The following NALCN variants were observed in gnomAD, a reference collection of about 807,000 sequenced individuals.
The protein encoded by NALCN is sodium leak channel NALCN.
Under a neutral mutation model 225.3 loss-of-function variants are expected in NALCN, and 111 were observed. The ratio of observed to expected loss-of-function variants is 0.49; its 90% CI spans 0.42 to 0.58. The LOEUF (loss-of-function observed/expected upper bound fraction) is 0.58, where lower values mean the gene tolerates loss of function less well. NALCN is among the 20% of genes least tolerant of loss of function. The probability of loss-of-function intolerance (pLI) is 0.00; values close to 1 mark genes in which losing one functional copy is unlikely to be tolerated. For synonymous variants in NALCN, 764 were observed against 769.0 expected (o/e 0.99, Z 0.11); for missense variants, 1,378 against 2,202.4 (o/e 0.63, Z 7.49).
intron 13 of NALCN, among the ~76,000 whole-genome samples, chr13:101,196,470 A>G (rs1387501129): frequency 6.6e-6 from 1 of 152,146 alleles, no homozygotes; most frequent in East Asian, 1.9e-4. Flanking sequence ...ACAGTTGCCA[A>G]AATTTCCACT....
chr13:101,163,036 G>C (rs2038261200), intron 15 of NALCN, among the ~76,000 whole-genome samples: 1 of 151,994 alleles, frequency 6.6e-6, no homozygotes, highest in African/African-American at 2.4e-5. Flanking sequence ...CAAGTAGCTA[G>C]GACTACAGGC....
At chr13:101,277,032 GTATA>G (rs978814628) in intron 10 of NALCN, among the ~76,000 whole-genome samples, 1 of 151,860 alleles carries the variant, frequency 6.6e-6, no homozygotes, top group Non-Finnish European at 1.5e-5. Flanking sequence ...AAAAACGTGT[GTATA>G]TATATGTTTG....
rs1006261774 is a variant in NALCN at position 101,081,531 on chromosome 13, A to G, written c.3881T>C (p.Leu1294Pro). 1 of 1,613,998 alleles carries G rather than the reference A, an allele frequency of 6.2e-7. No homozygotes were observed. Among genetic ancestry groups the G allele is most frequent in the Non-Finnish European group, 8.5e-7 (1 of 1,180,010 alleles). Residue 1294 changes from leucine to proline, a missense_variant, in exon 34 of 44, where the codon CTC becomes CCC. Coordinates refer to ENST00000251127, the MANE Select transcript of NALCN (RefSeq NM_052867.4). ...GVVWVVLHFA[L>P]LNAYTYMMGA... Reference sequence around the variant, plus strand: ...CAACTTGACTTCTATGCTTACCAGGAGGGCAAAGTGAAGCACCACCCATAC... The same window carrying G: ...CAACTTGACTTCTATGCTTACCAGGGGGGCAAAGTGAAGCACCACCCATAC...
chr13:101,209,694 C>T (rs1380906997), intron 13 of NALCN, among the ~76,000 whole-genome samples: 1 of 152,158 alleles, frequency 6.6e-6, no homozygotes. Flanking sequence ...AGTTCTCCCT[C>T]GCTCTTCAAG....
intron 13 of NALCN, among the ~76,000 whole-genome samples, chr13:101,201,684 T>C (rs1167504439): frequency 2.6e-5 from 4 of 152,192 alleles, no homozygotes; most frequent in Admixed American, 2.0e-4. Context: ...CTAAAATACG[T>C]GTAAAATGTA....
At position 101,129,417 on chromosome 13, in the gene NALCN, T is replaced by C. The variant is rs141715494; in HGVS notation, c.2119-4736A>G. The stretch of plus-strand genomic sequence containing the variant: ...AGTCAAATTATCTCTACTGTGCTCA[T>C]TGGGAGTTTTTCAAGTTGGTCAGTC... On this transcript the variant is annotated intron_variant, in intron 17 of 43. Transcript: ENST00000251127. 6.1e-4 allele frequency among the ~76,000 whole-genome samples: 93 copies of C among 152,292 alleles called. No homozygotes were observed. In the Middle Eastern group the frequency reaches 0.014, roughly 22 times the overall value.
intron 7 of NALCN, among the ~76,000 whole-genome samples, chr13:101,324,774 T>C (rs2044882315): frequency 6.6e-6 from 1 of 152,150 alleles, no homozygotes; most frequent in Non-Finnish European, 1.5e-5. Flanking sequence ...TATTTCTTTC[T>C]CCTGCCTGAC....
At chr13:101,282,996 G>C (rs1594598506) in intron 10 of NALCN, among the ~76,000 whole-genome samples, 1 of 152,218 alleles carries the variant, frequency 6.6e-6, no homozygotes, top group Admixed American at 6.5e-5. Context: ...CGGCAGATGT[G>C]AACACTTCTC....
intron 7 of NALCN, among the ~76,000 whole-genome samples, chr13:101,304,437 C>T (rs1431656131): frequency 1.3e-5 from 2 of 151,776 alleles, no homozygotes. Flanking sequence ...TTCCCTCCCA[C>T]CCCCTGACAG....
intron 13 of NALCN, among the ~76,000 whole-genome samples, chr13:101,227,580 C>T (rs986445323): frequency 3.9e-5 from 6 of 152,124 alleles, no homozygotes; most frequent in African/African-American, 1.4e-4. Context: ...AGTAAAAATG[C>T]TATGTAAATT....
rs778015916 is a variant in NALCN at position 101,089,994 on chromosome 13, T to C, written c.3270-28A>G. ...GCGATTCCAATACAGGAATGTTCTG[T>C]GAAATTCCAATAAGCAGCACCCGAA... On this transcript the variant is annotated intron_variant, in intron 28 of 43. Coordinates refer to ENST00000251127, the MANE Select transcript of NALCN (RefSeq NM_052867.4). This position sits in a 1 kb window ranked among gnomAD's most constrained non-coding sequence, Gnocchi z 4.7. The C allele has an allele frequency of 1.2e-6, 2 of 1,613,104 alleles. No homozygotes were observed. Among genetic ancestry groups the C allele is most frequent in the East Asian group, 4.5e-5 (2 of 44,856 alleles).
intron 3 of NALCN, among the ~76,000 whole-genome samples, chr13:101,379,046 G>A (rs1251904997): frequency 2.0e-5 from 3 of 152,012 alleles, no homozygotes; most frequent in African/African-American, 7.2e-5. Flanking sequence ...AAACTGCTAG[G>A]TTTAGCACCG....
At chr13:101,152,968 A>G (rs1368293631) in intron 15 of NALCN, among the ~76,000 whole-genome samples, 2 of 152,078 alleles carry the variant, frequency 1.3e-5, no homozygotes, top group African/African-American at 4.8e-5. Context: ...AGTGCTAGGG[A>G]AAAATGTCAC....
chr13:101,058,413 G>C (rs619127), intron 42 of NALCN: 20,158 of 198,064 alleles, frequency 0.1, 1,934 homozygotes, highest in African/African-American at 0.27. Context: ...CAGTGGGGAC[G>C]GGCTGGGCGG....
chr13:101,065,079 G>A (rs549808365), intron 40 of NALCN, among the ~76,000 whole-genome samples: 22 of 152,256 alleles, frequency 1.4e-4, no homozygotes, highest in Non-Finnish European at 2.5e-4. Context: ...GGCAGTTCCC[G>A]CATCACAGGG....
In NALCN at chr13:101,283,967, T is replaced by C; in HGVS notation, c.1100A>G (p.Asn367Ser). ...GGWQLVAVDVNKPQGRAPACL... is the reference protein window; with the variant it reads ...GGWQLVAVDVSKPQGRAPACL... ...GGCTGGGGCGCGTCCCTGGGGCTTG[T>C]TGACATCCACAGCTACCAGCTGCCA... Residue 367 changes from asparagine to serine, a missense_variant, in exon 10 of 44, where the codon AAC (asparagine) becomes AGC (serine). Physicochemically the swap from Asn to Ser is conservative, Grantham distance 46. Transcript: ENST00000251127. 1 of 1,613,774 alleles carries C rather than the reference T, an allele frequency of 6.2e-7. No individual in the cohort carries two copies. Among genetic ancestry groups the C allele is most frequent in the Non-Finnish European group, 8.5e-7 (1 of 1,179,906 alleles).
In NALCN at chr13:101,378,597, A is replaced by G. The variant is rs1310759174; in HGVS notation, c.348T>C (p.Phe116=). The stretch of plus-strand genomic sequence containing the variant: ...GTAGCACCAAAGAAACCCAAAGGCA[A>G]AAGACCATAAATCCATCAAAAACAC... ...RWCVFDGFMV[F]CLWVSLVLQV... is the part of the protein sequence containing the mutation. The change falls in exon 4 of 44, where the codon TTT becomes TTC. Residue 116 remains phenylalanine, a synonymous_variant. Coordinates refer to ENST00000251127, the MANE Select transcript of NALCN (RefSeq NM_052867.4). 6.2e-7 allele frequency: 1 copy of G among 1,609,558 alleles called. No homozygotes were observed. The highest frequency in any genetic ancestry group is 8.5e-7 in the Non-Finnish European group (1 of 1,177,574).
chr13:101,299,009 A>C (rs1208094006), intron 7 of NALCN, among the ~76,000 whole-genome samples: 1 of 152,268 alleles, frequency 6.6e-6, no homozygotes, highest in Non-Finnish European at 1.5e-5. Context: ...TTGAGATCAA[A>C]TACAAGACTT....
chr13:101,316,881 G>C (rs537532714), intron 7 of NALCN, among the ~76,000 whole-genome samples: 1 of 152,258 alleles, frequency 6.6e-6, no homozygotes, highest in South Asian at 2.1e-4. Flanking sequence ...GATAGGTGCA[G>C]ATAATTAAGT....
Sources: gnomAD v4.1 joint callset for allele counts (sites outside exome capture counted in the v4.1 genomes callset) on GRCh38, gnomAD v4.1.1 for gene constraint, Gnocchi (gnomAD v3.1) non-coding constraint, MANE v1.5 for transcripts, NCBI Gene and HGNC (gene_info 2026-07-23, HGNC 2026-07-21) for gene names.